Variants in SCFD2 observed in about 807,000 individuals in gnomAD.
SCFD2 encodes the protein sec1 family domain-containing protein 2.
Under a neutral mutation model 58.9 loss-of-function variants are expected in SCFD2, and 54 were observed. The ratio of observed to expected loss-of-function variants is 0.92; its 90% CI spans 0.74 to 1.15. SCFD2 has a LOEUF of 1.15. Ranked by LOEUF, SCFD2 falls within the 50% of genes most tolerant of loss-of-function variation. The pLI is 0.00. For missense variants in SCFD2, 805 were observed against 836.6 expected (o/e 0.96, Z 0.47); for synonymous variants, 321 against 335.9 (o/e 0.96, Z 0.49).
chr4:53,347,543 A>T (rs1734092638), intron 2 of SCFD2, among the ~76,000 whole-genome samples: 1 of 152,136 alleles, frequency 6.6e-6, no homozygotes, highest in African/African-American at 2.4e-5. Context: ...TGAAATAGGG[A>T]AGGGGACATG....
chr4:52,878,108 G>C (rs6833096), intron 8 of SCFD2, among the ~76,000 whole-genome samples: 31,626 of 152,048 alleles, frequency 0.21, 3,346 homozygotes, highest in East Asian at 0.27. Flanking sequence ...CACCCCTCCC[G>C]CAAGCCTGAG....
intron 5 of SCFD2, among the ~76,000 whole-genome samples, chr4:53,112,511 G>A (rs371859266): frequency 3.3e-5 from 5 of 151,980 alleles, no homozygotes; most frequent in South Asian, 2.1e-4. Flanking sequence ...AGATGCATTC[G>A]CACCAAGTAG....
chr4:53,331,806 G>C (rs1276830043), intron 2 of SCFD2, among the ~76,000 whole-genome samples: 1 of 152,020 alleles, frequency 6.6e-6, no homozygotes, highest in Non-Finnish European at 1.5e-5. Flanking sequence ...ATGAATCCAG[G>C]AGCTGGTTTT....
intron 4 of SCFD2, among the ~76,000 whole-genome samples, chr4:53,238,141 C>T (rs1213315339): frequency 1.3e-4 from 16 of 126,502 alleles, no homozygotes; most frequent in South Asian, 2.7e-4. Flanking sequence ...GCAGAGGTGC[C>T]CCTCACCTCC....
At chr4:53,044,913 C>CCT (rs1553872120) in intron 5 of SCFD2, among the ~76,000 whole-genome samples, 1 of 10,334 alleles carries the variant, frequency 9.7e-5, no homozygotes, top group Non-Finnish European at 2.8e-4. Flanking sequence ...CCAACCCCCC[C>CCT]CCCCCGCCCA....
At chr4:52,997,658 C>T (rs1025198070) in intron 5 of SCFD2, among the ~76,000 whole-genome samples, 13 of 152,176 alleles carry the variant, frequency 8.5e-5, no homozygotes, top group African/African-American at 3.1e-4. Context: ...CTGGGGAAAA[C>T]AGGTTCCTTC....
chr4:52,924,526 C>A (rs1356175161), intron 5 of SCFD2, among the ~76,000 whole-genome samples: 1 of 152,174 alleles, frequency 6.6e-6, no homozygotes, highest in Non-Finnish European at 1.5e-5. Context: ...GCCAACTGTA[C>A]ATGGGCAATT....
intron 2 of SCFD2, among the ~76,000 whole-genome samples, chr4:53,339,421 T>C (rs1733791239): frequency 6.6e-6 from 1 of 151,490 alleles, no homozygotes; most frequent in Non-Finnish European, 1.5e-5. Flanking sequence ...TATAAGTTGT[T>C]ATAAGTAATA....
At chr4:52,973,017 A>C (rs1721148323) in intron 5 of SCFD2, among the ~76,000 whole-genome samples, 1 of 152,246 alleles carries the variant, frequency 6.6e-6, no homozygotes, top group Non-Finnish European at 1.5e-5. Context: ...CATTCAAAGC[A>C]GTGTGTAGAG....
chr4:52,982,247 T>C (rs1721393449), intron 5 of SCFD2, among the ~76,000 whole-genome samples: 1 of 152,180 alleles, frequency 6.6e-6, no homozygotes, highest in African/African-American at 2.4e-5. Flanking sequence ...TGTAACTCTC[T>C]CCATCACCCG....
At chr4:52,992,211 T>C (rs1721627951) in intron 5 of SCFD2, among the ~76,000 whole-genome samples, 2 of 152,170 alleles carry the variant, frequency 1.3e-5, no homozygotes, top group South Asian at 4.1e-4. Flanking sequence ...ATTTTTTTGG[T>C]GGAGACGGGG....
At chr4:52,999,192 G>A (rs1721809023) in intron 5 of SCFD2, among the ~76,000 whole-genome samples, 1 of 152,164 alleles carries the variant, frequency 6.6e-6, no homozygotes. Flanking sequence ...CATATAATTA[G>A]CACCCTGATT....
intron 5 of SCFD2, among the ~76,000 whole-genome samples, chr4:53,049,106 G>A (rs1395387078): frequency 6.6e-6 from 1 of 152,170 alleles, no homozygotes; most frequent in Admixed American, 6.5e-5. Context: ...TTTCAACCCA[G>A]TTCAGTTTAA....
At chr4:53,013,615 T>A (rs1722146654) in intron 5 of SCFD2, among the ~76,000 whole-genome samples, 1 of 152,184 alleles carries the variant, frequency 6.6e-6, no homozygotes, top group African/African-American at 2.4e-5. Flanking sequence ...CTCTTCAAAA[T>A]CTTAATATTA....
In SCFD2 at chr4:52,873,941, G is replaced by A. The variant is rs777796078; in HGVS notation, c.*28C>T. 1 of 1,549,668 alleles carries A rather than the reference G, an allele frequency of 6.5e-7. No homozygotes were observed. The highest frequency in any genetic ancestry group is 1.1e-5 in the South Asian group (1 of 89,760). Reference sequence around the variant, plus strand: ...AAAATTGCATCGGCATTTCCAGCTTGAGTAGGTCTTATCTTCTTAGCGGAT... The same window carrying A: ...AAAATTGCATCGGCATTTCCAGCTTAAGTAGGTCTTATCTTCTTAGCGGAT... On this transcript the variant is annotated 3_prime_UTR_variant, in exon 9 of 9. Coordinates refer to ENST00000401642, the MANE Select transcript of SCFD2 (RefSeq NM_152540.4).
chr4:53,249,131 G>C (rs1196272472), intron 4 of SCFD2, among the ~76,000 whole-genome samples: 1 of 152,196 alleles, frequency 6.6e-6, no homozygotes, highest in Non-Finnish European at 1.5e-5. Context: ...GGAGCTGAAA[G>C]CCAAGGCTCG....
intron 2 of SCFD2, among the ~76,000 whole-genome samples, chr4:53,343,559 T>C (rs1055687354): frequency 6.6e-6 from 1 of 152,184 alleles, no homozygotes; most frequent in African/African-American, 2.4e-5. Context: ...TCTGAAACTA[T>C]TCCAACTGAT....
intron 5 of SCFD2, among the ~76,000 whole-genome samples, chr4:52,991,699 T>C (rs531463248): frequency 1.3e-5 from 2 of 152,256 alleles, no homozygotes; most frequent in Admixed American, 1.3e-4. Context: ...GGAAGTGGTT[T>C]GAATTCTCTC....
chr4:52,880,287 AT>A (rs34151471), intron 8 of SCFD2, among the ~76,000 whole-genome samples: 8,793 of 142,718 alleles, frequency 0.062, 368 homozygotes, highest in East Asian at 0.24. Context: ...GTGCAAAACT[AT>A]TTTTTTTTTT....
Sources: allele counts gnomAD v4.1 joint callset (sites outside exome capture counted in the v4.1 genomes callset), GRCh38; gene constraint gnomAD v4.1.1; transcripts MANE v1.5; gene names NCBI Gene and HGNC (gene_info 2026-07-23, HGNC 2026-07-21).